ASIC2: variants seen among roughly 807,000 people sequenced by gnomAD.
ASIC2 encodes acid sensing ion channel subunit 2.
A neutral mutation model predicts 57.3 loss-of-function variants in ASIC2; 25 were observed. The ratio of observed to expected loss-of-function variants is 0.44; its 90% confidence interval spans 0.32 to 0.61. ASIC2 has a LOEUF of 0.61. Among genes scored for constraint, ASIC2 ranks in the 20% least tolerant of loss-of-function variants. The probability of loss-of-function intolerance (pLI) is 0.06; values close to 1 mark genes in which losing one functional copy is unlikely to be tolerated. For missense variants in ASIC2, 641 were observed against 738.1 expected, an observed-to-expected ratio of 0.87 and a Z score of 1.52; for synonymous variants, 319 against 307.5, an observed-to-expected ratio of 1.04 and a Z score of -0.39.
chr17:33,019,724 C>A (rs543583215), intron 7 of ASIC2, among the ~76,000 whole-genome samples: 1 of 152,176 alleles, frequency 6.6e-6, no homozygotes, highest in Non-Finnish European at 1.5e-5. Flanking sequence ...ACGATCGATG[C>A]TGAACAAACT....
chr17:33,781,408 C>T (rs1384123920), intron 1 of ASIC2, among the ~76,000 whole-genome samples: 5 of 152,128 alleles, frequency 3.3e-5, no homozygotes, highest in Non-Finnish European at 7.4e-5. Flanking sequence ...TAACATTGGT[C>T]TTGAGAGATG....
chr17:33,366,938 AAT>A (rs1233997820), intron 1 of ASIC2, among the ~76,000 whole-genome samples: 1 of 152,222 alleles, frequency 6.6e-6, no homozygotes, highest in Non-Finnish European at 1.5e-5. Context: ...TTAGGTGGCA[AAT>A]AGTTTCACTT....
At chr17:33,489,890 A>T (rs939058600) in intron 1 of ASIC2, among the ~76,000 whole-genome samples, 5 of 152,182 alleles carry the variant, frequency 3.3e-5, no homozygotes. Flanking sequence ...TACCCAGGCA[A>T]TCGGAAAGTC....
chr17:33,496,394 G>T (rs8069866), intron 1 of ASIC2, among the ~76,000 whole-genome samples: 4,317 of 152,082 alleles, frequency 0.028, 181 homozygotes, highest in African/African-American at 0.096. Context: ...CCTCAGGATA[G>T]AAACTATGTC....
At chr17:33,227,493 T>A (rs1292872627) in intron 1 of ASIC2, among the ~76,000 whole-genome samples, 1 of 152,082 alleles carries the variant, frequency 6.6e-6, no homozygotes, top group East Asian at 1.9e-4. Flanking sequence ...CCCTTGGACA[T>A]TTAAAATATC....
chr17:33,468,317 T>A, intron 1 of ASIC2, among the ~76,000 whole-genome samples: 1 of 152,130 alleles, frequency 6.6e-6, no homozygotes, highest in East Asian at 1.9e-4. Context: ...ATCTCCATGT[T>A]CTCCCCTCTG....
chr17:33,666,605 C>T (rs969676474), intron 1 of ASIC2, among the ~76,000 whole-genome samples: 6 of 152,140 alleles, frequency 3.9e-5, no homozygotes, highest in African/African-American at 9.7e-5. Flanking sequence ...GGGGGGCATC[C>T]GCTGGGTTGT....
chr17:33,971,203 C>T (rs1189462507), intron 1 of ASIC2, among the ~76,000 whole-genome samples: 1 of 152,172 alleles, frequency 6.6e-6, no homozygotes, highest in African/African-American at 2.4e-5. Context: ...GGCTCCAAGC[C>T]GGCTGTGCTA....
chr17:33,612,115 A>T (rs988825066), intron 1 of ASIC2, among the ~76,000 whole-genome samples: 3 of 152,206 alleles, frequency 2.0e-5, no homozygotes, highest in Admixed American at 6.5e-5. Flanking sequence ...CTTATATTCT[A>T]TTCAGGCCTT....
At chr17:33,366,068 C>T (rs1193248221) in intron 1 of ASIC2, among the ~76,000 whole-genome samples, 1 of 152,192 alleles carries the variant, frequency 6.6e-6, no homozygotes, top group African/African-American at 2.4e-5. Context: ...CAAGGCTGCT[C>T]TAAGAACAGA....
intron 1 of ASIC2, among the ~76,000 whole-genome samples, chr17:33,626,494 AG>A (rs1192706581): frequency 2.0e-5 from 3 of 152,250 alleles, no homozygotes; most frequent in African/African-American, 7.2e-5. Flanking sequence ...TAAACATAAA[AG>A]TGAACAGTCA....
intron 1 of ASIC2, among the ~76,000 whole-genome samples, chr17:33,387,000 T>C (rs1424102165): frequency 3.3e-5 from 5 of 152,008 alleles, no homozygotes; most frequent in Non-Finnish European, 5.9e-5. Flanking sequence ...GCTGGGATTT[T>C]AGCTGCTTTA....
At chr17:33,137,692 C>T (rs2092371726) in intron 1 of ASIC2, among the ~76,000 whole-genome samples, 2 of 152,300 alleles carry the variant, frequency 1.3e-5, no homozygotes, top group African/African-American at 2.4e-5. Context: ...GTTTCCATGG[C>T]TGGCAGATGT....
chr17:33,390,333 G>A (rs1455188985), intron 1 of ASIC2, among the ~76,000 whole-genome samples: 1 of 151,842 alleles, frequency 6.6e-6, no homozygotes, highest in Admixed American at 6.6e-5. Flanking sequence ...AAAAAAAGAA[G>A]CCCCTTTCCC....
intron 1 of ASIC2, among the ~76,000 whole-genome samples, chr17:33,893,598 A>T (rs1915017452): frequency 6.6e-6 from 1 of 152,124 alleles, no homozygotes; most frequent in Admixed American, 6.5e-5. Context: ...TCAGCTGGGG[A>T]CACAAATTAG....
chr17:34,021,786 C>T (rs975844242), intron 1 of ASIC2, among the ~76,000 whole-genome samples: 5 of 151,294 alleles, frequency 3.3e-5, no homozygotes, highest in African/African-American at 4.9e-5. Context: ...CTCAACTGAC[C>T]GGGGATGGAG....
chr17:33,934,970 C>T (rs1468791438), intron 1 of ASIC2, among the ~76,000 whole-genome samples: 3 of 152,234 alleles, frequency 2.0e-5, no homozygotes, highest in African/African-American at 7.2e-5. Flanking sequence ...TACTGACATG[C>T]AAATGACCAT....
intron 1 of ASIC2, among the ~76,000 whole-genome samples, chr17:34,102,640 C>G (rs1910907512): frequency 6.6e-6 from 1 of 152,122 alleles, no homozygotes; most frequent in African/African-American, 2.4e-5. Flanking sequence ...CATGTTATTC[C>G]ATGTATCAAT....
At chr17:33,196,694 G>A (rs1362359792) in intron 1 of ASIC2, among the ~76,000 whole-genome samples, 1 of 152,228 alleles carries the variant, frequency 6.6e-6, no homozygotes, top group Admixed American at 6.5e-5. Flanking sequence ...TCAAGTACTA[G>A]GCATTCCCCT....
Sources: gnomAD v4.1 joint callset for allele counts (sites outside exome capture counted in the v4.1 genomes callset) on GRCh38, gnomAD v4.1.1 for gene constraint, MANE v1.5 for transcripts, NCBI Gene and HGNC (gene_info 2026-07-23, HGNC 2026-07-21) for gene names.